C12orf42: variants seen among roughly 807,000 people sequenced by gnomAD.
C12orf42 encodes chromosome 12 open reading frame 42.
In C12orf42, 25 loss-of-function variants were observed where a neutral mutation model predicts 21.6. That is an observed-to-expected ratio of 1.16 (90% CI 0.84 to 1.62). The LOEUF is 1.62. Ranked by LOEUF, C12orf42 falls within the 40% of genes most tolerant of loss-of-function variation. The pLI, the probability that C12orf42 is intolerant of heterozygous loss-of-function variation, is 0.00. For missense variants in C12orf42, 483 were observed against 459.3 expected (o/e 1.05, Z -0.47); for synonymous variants, 174 against 175.0 (o/e 0.99, Z 0.05).
In C12orf42 at chr12:103,273,094, C is replaced by T. The variant is rs192273029; in HGVS notation, n.399-3241G>A. On this transcript the variant is annotated intron_variant and non_coding_transcript_variant, in intron 5 of 6. Transcript: ENST00000546526. ...TGTTTTCCTCCCACATCTTCAACACCTGATGACATTTAGCTGTTAGGATAT... is the reference window on the plus strand; with the variant it reads ...TGTTTTCCTCCCACATCTTCAACACTTGATGACATTTAGCTGTTAGGATAT... Among the ~76,000 whole-genome samples the T allele has an allele frequency of 2.6e-5, 4 of 152,264 alleles. No homozygotes were observed. The East Asian group carries it at 5.8e-4, about 22-fold the overall frequency.
At chr12:103,484,995 G>C (rs369611215) in intron 1 of C12orf42, among the ~76,000 whole-genome samples, 2 of 149,960 alleles carry the variant, frequency 1.3e-5, no homozygotes, top group African/African-American at 2.5e-5. Flanking sequence ...TCAGCCTTCT[G>C]AGTACCTGGG....
intron 2 of C12orf42, among the ~76,000 whole-genome samples, chr12:103,431,636 A>G (rs988847499): frequency 1.3e-5 from 2 of 152,238 alleles, no homozygotes; most frequent in African/African-American, 4.8e-5. Context: ...ACACATATAC[A>G]TTACATACCC....
chr12:103,253,067 T>G (rs998932347), intron 10 of C12orf42, among the ~76,000 whole-genome samples: 1 of 152,248 alleles, frequency 6.6e-6, no homozygotes, highest in Non-Finnish European at 1.5e-5. Flanking sequence ...TAGGGAATGC[T>G]TTCTCCATTG....
intron 2 of C12orf42, among the ~76,000 whole-genome samples, chr12:103,420,150 A>G (rs1294032217): frequency 3.3e-5 from 5 of 152,216 alleles, no homozygotes; most frequent in Non-Finnish European, 7.3e-5. Context: ...CATTGTAAAC[A>G]TATGTTTTTT....
At chr12:103,276,668 A>T (rs552170717) in intron 5 of C12orf42, among the ~76,000 whole-genome samples, 10 of 152,342 alleles carry the variant, frequency 6.6e-5, no homozygotes, top group African/African-American at 2.4e-4. Flanking sequence ...GTGACCAAAA[A>T]ATAGATCAAT....
chr12:103,246,111 T>C (rs924689231), intron 10 of C12orf42, among the ~76,000 whole-genome samples: 2 of 152,140 alleles, frequency 1.3e-5, no homozygotes, highest in African/African-American at 2.4e-5. Flanking sequence ...CCAATTATTA[T>C]GAGTTATCAC....
chr12:103,521,787 C>T, the C12orf42 span, among the ~76,000 whole-genome samples: 2 of 152,214 alleles, frequency 1.3e-5, no homozygotes, highest in African/African-American at 4.8e-5. Context: ...CTTCCACTAA[C>T]ACCTCATAAA....
rs1256462556 is a variant in C12orf42 at position 103,331,049 on chromosome 12, T to C, written c.260-24704A>G. ...AAACCAATTCTCTAAATAAAAGATA[T>C]ACAGATGCTCTTTGACTTATTATGA... On this transcript the variant is annotated intron_variant, in intron 4 of 5. Coordinates refer to ENST00000548883, the MANE Select transcript of C12orf42 (RefSeq NM_198521.5). Among the ~76,000 whole-genome samples, 9 of 152,214 alleles carry C rather than the reference T, an allele frequency of 5.9e-5. No homozygotes were observed. In the South Asian group the frequency reaches 1.7e-3, roughly 28 times the overall value.
intron 4 of C12orf42, among the ~76,000 whole-genome samples, chr12:103,280,398 A>G (rs1357877578): frequency 6.6e-6 from 1 of 152,180 alleles, no homozygotes; most frequent in African/African-American, 2.4e-5. Context: ...CAGGCAGATC[A>G]TTTGAGGTCA....
chr12:103,322,098 TGCACGCGCGTGCGTGCGC>T (rs954306052), intron 4 of C12orf42, among the ~76,000 whole-genome samples: 9 of 127,742 alleles, frequency 7.0e-5, no homozygotes, highest in Non-Finnish European at 1.1e-4. Flanking sequence ...TTCTCAGATG[TGCACGCGCGTGCGTGCGC>T]GCGCGCGCGC....
intron 4 of C12orf42, among the ~76,000 whole-genome samples, chr12:103,329,151 G>A (rs530773852): frequency 1.3e-5 from 2 of 152,128 alleles, no homozygotes; most frequent in East Asian, 1.9e-4. Context: ...TGGCAGGGAC[G>A]CAGGCATGCA....
the C12orf42 span, among the ~76,000 whole-genome samples, chr12:103,132,498 A>G: frequency 6.6e-6 from 1 of 152,158 alleles, no homozygotes; most frequent in Non-Finnish European, 1.5e-5. Context: ...ATTGCTCCAG[A>G]GATGGAACTC....
chr12:103,406,404 A>G (rs1028233523), intron 2 of C12orf42, among the ~76,000 whole-genome samples: 2 of 152,222 alleles, frequency 1.3e-5, no homozygotes, highest in Non-Finnish European at 2.9e-5. Flanking sequence ...TTCTTCTCCA[A>G]GAAGAGACCT....
chr12:103,522,700 TTCC>T, the C12orf42 span, among the ~76,000 whole-genome samples: 2 of 152,196 alleles, frequency 1.3e-5, no homozygotes, highest in Admixed American at 1.3e-4. Context: ...CAGGATTGTG[TTCC>T]TATTGCCCTC....
intron 1 of C12orf42, 74 bp from the exon 2 acceptor site, chr12:103,478,521 T>A (rs1279168788): frequency 1.6e-6 from 1 of 620,446 alleles, no homozygotes; most frequent in Non-Finnish European, 2.6e-6. Flanking sequence ...AAAAATGACA[T>A]CTTTAAGAGC....
At chr12:103,344,281 C>T (rs1254205170) in intron 4 of C12orf42, among the ~76,000 whole-genome samples, 1 of 152,176 alleles carries the variant, frequency 6.6e-6, no homozygotes, top group Admixed American at 6.5e-5. Context: ...GCTGTGTTCT[C>T]ATGGTGCAAA....
chr12:103,182,479 G>A, the C12orf42 span, among the ~76,000 whole-genome samples: 1 of 152,166 alleles, frequency 6.6e-6, no homozygotes, highest in Non-Finnish European at 1.5e-5. Context: ...AGAGAACAGT[G>A]TTTACTCAGT....
chr12:103,260,478 G>T (rs569495561), intron 10 of C12orf42, among the ~76,000 whole-genome samples: 3 of 152,326 alleles, frequency 2.0e-5, no homozygotes, highest in Admixed American at 2.0e-4. Context: ...AACCTTCTAA[G>T]TCATGGGCAT....
chr12:103,144,159 G>A, the C12orf42 span, among the ~76,000 whole-genome samples: 2 of 152,102 alleles, frequency 1.3e-5, no homozygotes, highest in African/African-American at 4.8e-5. Flanking sequence ...AAAGAGTCTT[G>A]GACAAGTACT....
Sources: allele counts gnomAD v4.1 joint callset (sites outside exome capture counted in the v4.1 genomes callset), GRCh38; gene constraint gnomAD v4.1.1; transcripts MANE v1.5; gene names NCBI Gene and HGNC (gene_info 2026-07-23, HGNC 2026-07-21).